Variants in TMEM117 observed in about 807,000 individuals in gnomAD.
TMEM117 encodes the protein transmembrane protein 117.
A neutral mutation model predicts 52.4 loss-of-function variants in TMEM117; 27 were observed. The ratio of observed to expected loss-of-function variants is 0.51; its 90% CI spans 0.38 to 0.71. The LOEUF (loss-of-function observed/expected upper bound fraction) is 0.71, where lower values mean the gene tolerates loss of function less well. Ranked by LOEUF, TMEM117 falls within the 30% of genes least tolerant of loss-of-function variation. TMEM117 has a pLI of 0.00. For missense variants in TMEM117, 556 were observed against 630.5 expected (o/e 0.88, Z 1.26); for synonymous variants, 215 against 206.3 (o/e 1.04, Z -0.36).
intron 5 of TMEM117, among the ~76,000 whole-genome samples, chr12:44,259,623 A>C (rs1950298649): frequency 6.6e-6 from 1 of 152,186 alleles, no homozygotes; most frequent in Non-Finnish European, 1.5e-5. Context: ...TATGTTCCAC[A>C]AGGAATAGTA....
intron 4 of TMEM117, among the ~76,000 whole-genome samples, chr12:44,155,199 G>A (rs933975389): frequency 6.6e-6 from 1 of 151,884 alleles, no homozygotes; most frequent in African/African-American, 2.4e-5. Flanking sequence ...CAGACCTTTG[G>A]TATTCCAAAA....
chr12:44,121,296 A>G (rs1323170583), intron 3 of TMEM117, among the ~76,000 whole-genome samples: 1 of 152,170 alleles, frequency 6.6e-6, no homozygotes, highest in Non-Finnish European at 1.5e-5. Flanking sequence ...GAGTATGAGT[A>G]AACCTAAAAT....
intron 4 of TMEM117, among the ~76,000 whole-genome samples, chr12:44,144,476 G>A (rs73290208): frequency 0.031 from 4,660 of 152,302 alleles, 160 homozygotes; most frequent in African/African-American, 0.083. Context: ...GCCTGACTCA[G>A]ACAAGACTTG....
chr12:43,924,866 G>T (rs1944752984), intron 2 of TMEM117, among the ~76,000 whole-genome samples: 1 of 152,202 alleles, frequency 6.6e-6, no homozygotes, highest in Non-Finnish European at 1.5e-5. Context: ...TTTGGGAGCA[G>T]GTTGGCTGGT....
At chr12:44,276,254 C>T (rs1047475189) in intron 5 of TMEM117, among the ~76,000 whole-genome samples, 2 of 152,068 alleles carry the variant, frequency 1.3e-5, no homozygotes, top group African/African-American at 4.8e-5. Context: ...AAGTATCCAT[C>T]AGTGGATGAA....
intron 2 of TMEM117, among the ~76,000 whole-genome samples, chr12:43,894,258 G>C (rs1622590): frequency 0.67 from 102,254 of 152,140 alleles, 39,908 homozygotes; most frequent in East Asian, 0.87. Context: ...TCAAGGTGTT[G>C]GTTGGTATTA....
At chr12:44,095,128 G>C (rs768208709) in intron 3 of TMEM117, among the ~76,000 whole-genome samples, 15 of 152,068 alleles carry the variant, frequency 9.9e-5, no homozygotes, top group Admixed American at 5.2e-4. Context: ...GAAAAGCACT[G>C]TAAGGGAAAG....
chr12:44,226,180 A>AGAACC (rs1949858469), intron 5 of TMEM117, among the ~76,000 whole-genome samples: 1 of 152,176 alleles, frequency 6.6e-6, no homozygotes, highest in South Asian at 2.1e-4. Flanking sequence ...AACCAGGCAG[A>AGAACC]ATTGCTACCA....
intron 6 of TMEM117, among the ~76,000 whole-genome samples, chr12:44,338,305 A>G (rs1951369321): frequency 6.6e-6 from 1 of 152,104 alleles, no homozygotes; most frequent in African/African-American, 2.4e-5. Context: ...AGTGATTTCT[A>G]AAGGTTTGCA....
At chr12:44,246,007 G>T (rs1592636862) in intron 5 of TMEM117, among the ~76,000 whole-genome samples, 2 of 152,088 alleles carry the variant, frequency 1.3e-5, no homozygotes, top group East Asian at 1.9e-4. Flanking sequence ...TCTAAATTAG[G>T]TTAGAGCATT....
Position 44,298,875 on chromosome 12 carries a change from C to G in TMEM117, c.609-705C>G, listed in dbSNP as rs977502052. On this transcript the variant is annotated intron_variant, in intron 5 of 7. Transcript: ENST00000266534. ...TGATGAGTCTGGTCTAACTATCCCT[C>G]TCTTTTGTAGAAGGATAATGGAATC... is the stretch of plus-strand genomic sequence containing the variant. 2.0e-5 allele frequency among the ~76,000 whole-genome samples: 3 copies of G among 150,664 alleles called. No individual in the cohort carries two copies. In the East Asian group the frequency reaches 5.8e-4, roughly 29 times the overall value.
chr12:44,268,364 G>T (rs545014995), intron 5 of TMEM117, among the ~76,000 whole-genome samples: 3 of 151,736 alleles, frequency 2.0e-5, no homozygotes, highest in Non-Finnish European at 4.4e-5. Context: ...GGCTGGTCTC[G>T]AACTCCTGAC....
At chr12:43,798,315 C>T in the TMEM117 span, among the ~76,000 whole-genome samples, 1 of 152,024 alleles carries the variant, frequency 6.6e-6, no homozygotes, top group Non-Finnish European at 1.5e-5. Flanking sequence ...TGCAGAAGTT[C>T]CAGACTTAAG....
intron 5 of TMEM117, among the ~76,000 whole-genome samples, chr12:44,273,032 T>C (rs190007419): frequency 6.6e-6 from 1 of 152,302 alleles, no homozygotes. Context: ...CATGGAATAC[T>C]ATGCAGCCAT....
chr12:43,948,090 C>G (rs1171460630), intron 3 of TMEM117, among the ~76,000 whole-genome samples: 3 of 151,998 alleles, frequency 2.0e-5, no homozygotes, highest in Admixed American at 2.0e-4. Context: ...CTGAAGTATG[C>G]ACTAACTCTT....
chr12:44,147,313 A>T (rs1948657532), intron 4 of TMEM117, among the ~76,000 whole-genome samples: 2 of 152,056 alleles, frequency 1.3e-5, no homozygotes. Flanking sequence ...CAGAAGCTGG[A>T]GGAGAGTTGG....
the TMEM117 span, among the ~76,000 whole-genome samples, chr12:43,824,920 C>T: frequency 3.9e-5 from 6 of 152,134 alleles, no homozygotes; most frequent in African/African-American, 1.4e-4. Context: ...GGCGACAGAG[C>T]GAGACTCCGT....
chr12:44,121,552 G>T (rs1948234919), intron 3 of TMEM117, among the ~76,000 whole-genome samples: 2 of 151,954 alleles, frequency 1.3e-5, no homozygotes. Context: ...CTTTTCTCTA[G>T]CTTAACATAT....
rs778540693 is a variant in TMEM117 at position 43,905,158 on chromosome 12, A to AT, written c.278-39051dup. ...AACTCGGTCTCAAAAAAAAAAAAAAATGTTTTTGAGCATGTCTGTGCCTGT... is the reference window on the plus strand; with the variant it reads ...AACTCGGTCTCAAAAAAAAAAAAAAATTGTTTTTGAGCATGTCTGTGCCTGT... On this transcript the variant is annotated intron_variant, in intron 2 of 7. Coordinates refer to ENST00000266534, the MANE Select transcript of TMEM117 (RefSeq NM_032256.3). Among the ~76,000 whole-genome samples the AT allele has an allele frequency of 2.2e-3, 324 of 150,156 alleles. 1 individual carries two copies. Among genetic ancestry groups the AT allele is most frequent in the South Asian group, 0.013 (62 of 4,800 alleles).
Sources: allele counts gnomAD v4.1 joint callset (sites outside exome capture counted in the v4.1 genomes callset), GRCh38; gene constraint gnomAD v4.1.1; transcripts MANE v1.5; gene names NCBI Gene and HGNC (gene_info 2026-07-23, HGNC 2026-07-21).